PTPRM: variants seen among roughly 807,000 people sequenced by gnomAD.
The protein encoded by PTPRM is receptor-type tyrosine-protein phosphatase mu.
In PTPRM, 47 loss-of-function variants were observed where a neutral mutation model predicts 186.7. The observed-to-expected ratio is 0.25, with a 90% CI of 0.20 to 0.32. The LOEUF (loss-of-function observed/expected upper bound fraction) is 0.32, where lower values mean the gene tolerates loss of function less well. PTPRM is among the 10% of genes least tolerant of loss of function. The probability of loss-of-function intolerance (pLI) is 1.00; values close to 1 mark genes in which losing one functional copy is unlikely to be tolerated. For synonymous variants in PTPRM, 668 were observed against 674.9 expected, an observed-to-expected ratio of 0.99 and a Z score of 0.16; for missense variants, 1,494 against 1,865.0, an observed-to-expected ratio of 0.80 and a Z score of 3.66.
At chr18:8,399,005 C>T (rs1276777151) in intron 32 of PTPRM, among the ~76,000 whole-genome samples, 1 of 152,098 alleles carries the variant, frequency 6.6e-6, no homozygotes, top group Non-Finnish European at 1.5e-5. Flanking sequence ...CTGAAAACCA[C>T]TGAACTGTGT....
At chr18:7,674,659 C>T (rs2039294808) in intron 1 of PTPRM, among the ~76,000 whole-genome samples, 1 of 151,992 alleles carries the variant, frequency 6.6e-6, no homozygotes, top group African/African-American at 2.4e-5. Flanking sequence ...AGTGGGCAGC[C>T]CATAATGTGT....
intron 2 of PTPRM, among the ~76,000 whole-genome samples, chr18:7,817,881 G>A (rs2044933252): frequency 6.6e-6 from 1 of 152,144 alleles, no homozygotes; most frequent in Non-Finnish European, 1.5e-5. Flanking sequence ...CCCGGAAGCT[G>A]GAAGGGAATG....
intron 1 of PTPRM, among the ~76,000 whole-genome samples, chr18:7,654,866 T>C (rs2038811336): frequency 6.6e-6 from 1 of 152,202 alleles, no homozygotes; most frequent in African/African-American, 2.4e-5. Context: ...TGTAGTATAG[T>C]TTGAAGTCAG....
intron 3 of PTPRM, among the ~76,000 whole-genome samples, chr18:7,896,053 G>A (rs1451521650): frequency 6.6e-6 from 1 of 152,070 alleles, no homozygotes; most frequent in Non-Finnish European, 1.5e-5. Flanking sequence ...AACATAAATT[G>A]CCAAGTATTT....
intron 7 of PTPRM, among the ~76,000 whole-genome samples, chr18:8,035,549 T>C (rs1820343302): frequency 6.6e-6 from 1 of 152,222 alleles, no homozygotes. Context: ...TATACTATAT[T>C]ATTTTTTATT....
At chr18:8,307,285 G>A (rs544947922) in intron 20 of PTPRM, among the ~76,000 whole-genome samples, 2 of 152,178 alleles carry the variant, frequency 1.3e-5, no homozygotes, top group Admixed American at 6.5e-5. Flanking sequence ...TTTCAGCCAG[G>A]AAGTGCAATC....
intron 8 of PTPRM, among the ~76,000 whole-genome samples, chr18:8,075,148 A>C (rs2089727372): frequency 6.6e-6 from 1 of 152,180 alleles, no homozygotes; most frequent in African/African-American, 2.4e-5. Context: ...GGTTGAAAAG[A>C]TTAATCTATC....
intron 2 of PTPRM, among the ~76,000 whole-genome samples, chr18:7,843,307 G>C (rs2046441161): frequency 6.6e-6 from 1 of 152,102 alleles, no homozygotes; most frequent in South Asian, 2.1e-4. Flanking sequence ...AGTCTCCATT[G>C]TTAAGCAGCT....
At chr18:8,353,694 T>G (rs1938579393) in intron 23 of PTPRM, among the ~76,000 whole-genome samples, 1 of 151,234 alleles carries the variant, frequency 6.6e-6, no homozygotes, top group Admixed American at 6.6e-5. Flanking sequence ...GGCAATGTGT[T>G]TCATCTTGGA....
At chr18:7,787,231 C>G (rs1226384786) in intron 2 of PTPRM, among the ~76,000 whole-genome samples, 1 of 152,180 alleles carries the variant, frequency 6.6e-6, no homozygotes, top group Non-Finnish European at 1.5e-5. Flanking sequence ...AATAGTATCT[C>G]TCCCCATGTT....
At chr18:7,795,742 G>T (rs1358002625) in intron 2 of PTPRM, among the ~76,000 whole-genome samples, 1 of 149,458 alleles carries the variant, frequency 6.7e-6, no homozygotes, top group East Asian at 2.0e-4. Context: ...TTGTATATTT[G>T]TATCACACAA....
chr18:8,141,173 T>A (rs1027992146), intron 13 of PTPRM, among the ~76,000 whole-genome samples: 1 of 152,180 alleles, frequency 6.6e-6, no homozygotes, highest in Admixed American at 6.5e-5. Context: ...GCAAGGGGTC[T>A]GGAGTCAGTG....
chr18:8,196,128 C>G (rs183475383), intron 14 of PTPRM, among the ~76,000 whole-genome samples: 178 of 152,288 alleles, frequency 1.2e-3, no homozygotes, highest in African/African-American at 4.0e-3. Context: ...GAGTGTGAAC[C>G]GTAATTTGGC....
intron 14 of PTPRM, among the ~76,000 whole-genome samples, chr18:8,180,405 G>A (rs562805692): frequency 6.6e-6 from 1 of 152,352 alleles, no homozygotes; most frequent in African/African-American, 2.4e-5. Context: ...TAGAGCACCA[G>A]TGAAAGTTTA....
At position 7,705,313 on chromosome 18, in the gene PTPRM, A is replaced by G. The variant is rs571791366; in HGVS notation, c.74-68836A>G. Among the ~76,000 whole-genome samples the G allele has an allele frequency of 7.7e-3, 1,165 of 150,938 alleles. 19 individuals are homozygous for G. Among genetic ancestry groups the G allele is most frequent in the African/African-American group, 0.027 (1,092 of 40,932 alleles). Reference sequence around the variant, plus strand: ...TATCTATCTATCTATCTATCTATCTATCTATCTATCTATCTGTCTATCTAG... The same window carrying G: ...TATCTATCTATCTATCTATCTATCTGTCTATCTATCTATCTGTCTATCTAG... On this transcript the variant is annotated intron_variant, in intron 1 of 32. Coordinates refer to ENST00000580170, the MANE Select transcript of PTPRM (RefSeq NM_001105244.2).
intron 19 of PTPRM, among the ~76,000 whole-genome samples, chr18:8,282,627 A>T (rs1027774918): frequency 6.6e-6 from 1 of 152,118 alleles, no homozygotes. Context: ...GCACCATTGC[A>T]CTCCAGCCTG....
At position 8,191,273 on chromosome 18, in the gene PTPRM, T is replaced by C. The variant is rs1484424144; in HGVS notation, c.2300+47494T>C. 2.6e-5 allele frequency among the ~76,000 whole-genome samples: 4 copies of C among 152,140 alleles called. No homozygotes were observed. In the East Asian group the frequency reaches 7.7e-4, roughly 29 times the overall value. Reference sequence around the variant, plus strand: ...AATATGGGCCATATCATTTGATACTTAGTTTAAGGCAGAGATTGGCGGAAC... The same window carrying C: ...AATATGGGCCATATCATTTGATACTCAGTTTAAGGCAGAGATTGGCGGAAC... On this transcript the variant is annotated intron_variant, in intron 14 of 32. Coordinates refer to ENST00000580170, the MANE Select transcript of PTPRM (RefSeq NM_001105244.2).
intron 14 of PTPRM, among the ~76,000 whole-genome samples, chr18:8,158,700 A>G (rs1204700328): frequency 6.6e-6 from 1 of 152,220 alleles, no homozygotes; most frequent in African/African-American, 2.4e-5. Flanking sequence ...CTTTACAAGC[A>G]TGGTGCCAGC....
chr18:8,301,457 C>T (rs564125534), intron 20 of PTPRM, among the ~76,000 whole-genome samples: 25 of 152,288 alleles, frequency 1.6e-4, no homozygotes, highest in Admixed American at 3.9e-4. Flanking sequence ...AACGAGGCAG[C>T]CCCCTTGCAG....
Sources: allele counts gnomAD v4.1 joint callset (sites outside exome capture counted in the v4.1 genomes callset), GRCh38; gene constraint gnomAD v4.1.1; transcripts MANE v1.5; gene names NCBI Gene and HGNC (gene_info 2026-07-23, HGNC 2026-07-21).